Variants in PLEKHA5 observed in about 807,000 individuals in gnomAD.
PLEKHA5 encodes the protein pleckstrin homology domain containing A5.
A neutral mutation model predicts 181.9 loss-of-function variants in PLEKHA5; 55 were observed. The observed-to-expected ratio is 0.30, with a 90% CI of 0.24 to 0.38. The LOEUF (loss-of-function observed/expected upper bound fraction) is 0.38. Among genes scored for constraint, PLEKHA5 ranks in the 10% least tolerant of loss-of-function variants. The pLI is 1.00. For synonymous variants in PLEKHA5, 535 were observed against 529.4 expected (o/e 1.01, Z -0.15); for missense variants, 1,432 against 1,549.5 (o/e 0.92, Z 1.27).
At chr12:19,258,183 A>G (rs143899032) in intron 6 of PLEKHA5, among the ~76,000 whole-genome samples, 326 of 152,242 alleles carry the variant, frequency 2.1e-3, no homozygotes, top group Non-Finnish European at 3.3e-3. Flanking sequence ...TAGTTTTGCA[A>G]TTAGTAAATA....
At chr12:19,273,361 T>G (rs2073601012) in intron 10 of PLEKHA5, among the ~76,000 whole-genome samples, 2 of 152,180 alleles carry the variant, frequency 1.3e-5, no homozygotes, top group Non-Finnish European at 1.5e-5. Context: ...AGTCACCTTT[T>G]TTTTTTAATT....
At chr12:19,238,820 A>AT (rs1491560448) in intron 3 of PLEKHA5, among the ~76,000 whole-genome samples, 2 of 131,842 alleles carry the variant, frequency 1.5e-5, no homozygotes, top group African/African-American at 5.2e-5. Flanking sequence ...AAAAAAAAAA[A>AT]GGAAGAGGGC....
At chr12:19,151,117 G>C (rs997829030) in intron 3 of PLEKHA5, 7 of 152,446 alleles carry the variant, frequency 4.6e-5, no homozygotes, top group African/African-American at 1.7e-4. Flanking sequence ...GGTAGTTGAA[G>C]GACCTTGGGG....
chr12:19,235,817 C>A (rs768859594), intron 3 of PLEKHA5, among the ~76,000 whole-genome samples: 3 of 152,130 alleles, frequency 2.0e-5, no homozygotes, highest in Non-Finnish European at 4.4e-5. Context: ...CAATGGCTTT[C>A]TTGCAAAGAA....
Position 19,358,184 on chromosome 12 carries a change from G to A in PLEKHA5, c.3139-44G>A. ...ATTTTTTATTCCATCATACTTTTCA[G>A]AAGTTTTCATTTATGTATTGATATG... is the stretch of plus-strand genomic sequence containing the variant. On this transcript the variant is annotated intron_variant, in intron 26 of 31. Transcript: ENST00000429027. The A allele has an allele frequency of 2.3e-6, 3 of 1,305,680 alleles. No homozygotes were observed. In the Admixed American group the frequency reaches 5.8e-5, roughly 25 times the overall value. 80.9% of individuals were successfully genotyped at this position (1,305,680 alleles called of 1,614,324 possible).
At chr12:19,155,185 A>T (rs2041385174) in intron 3 of PLEKHA5, among the ~76,000 whole-genome samples, 2 of 152,200 alleles carry the variant, frequency 1.3e-5, no homozygotes, top group African/African-American at 2.4e-5. Flanking sequence ...GGTCATTATC[A>T]CTAGGAAGAC....
intron 3 of PLEKHA5, among the ~76,000 whole-genome samples, chr12:19,218,206 G>A (rs1203788092): frequency 6.6e-6 from 1 of 152,094 alleles, no homozygotes; most frequent in East Asian, 1.9e-4. Flanking sequence ...GAGAGGGATA[G>A]GATTGTCAAA....
At chr12:19,248,468 G>C (rs1301804600) in intron 3 of PLEKHA5, among the ~76,000 whole-genome samples, 3 of 152,078 alleles carry the variant, frequency 2.0e-5, no homozygotes, top group Non-Finnish European at 4.4e-5. Flanking sequence ...AAAGTGCTGG[G>C]ATTACAGGCT....
At chr12:19,197,468 A>T (rs929594478) in intron 3 of PLEKHA5, among the ~76,000 whole-genome samples, 1 of 151,908 alleles carries the variant, frequency 6.6e-6, no homozygotes, top group Non-Finnish European at 1.5e-5. Flanking sequence ...CTTTAATTTC[A>T]CTACGGTAAC....
rs373839746 is a variant in PLEKHA5 at position 19,254,043 on chromosome 12, G to C, written c.311+20G>C. ...TGAACAGTAAGTAAAGAGTTTCATGGAATGCCTGTATTCAAAATTGGGTTA... is the reference window on the plus strand; with the variant it reads ...TGAACAGTAAGTAAAGAGTTTCATGCAATGCCTGTATTCAAAATTGGGTTA... On this transcript the variant is annotated intron_variant, in intron 4 of 31. Coordinates refer to ENST00000429027, the MANE Select transcript of PLEKHA5 (RefSeq NM_001256470.2). 1 of 1,403,524 alleles carries C rather than the reference G, an allele frequency of 7.1e-7. No individual in the cohort carries two copies. Among genetic ancestry groups the C allele is most frequent in the African/African-American group, 1.4e-5 (1 of 69,610 alleles). The allele number at this position is 1,403,524 out of a possible 1,614,324, so 86.9% of individuals were successfully genotyped here.
At chr12:19,168,525 G>A (rs1366015039) in intron 3 of PLEKHA5, among the ~76,000 whole-genome samples, 2 of 151,846 alleles carry the variant, frequency 1.3e-5, no homozygotes, top group South Asian at 2.1e-4. Context: ...AAAAAACTCA[G>A]TAGGAGAAAT....
chr12:19,266,244 T>C (rs1592256232), intron 8 of PLEKHA5, among the ~76,000 whole-genome samples: 1 of 150,958 alleles, frequency 6.6e-6, no homozygotes, highest in East Asian at 1.9e-4. Flanking sequence ...GAGACCAAGG[T>C]GGGAGGATCA....
At position 19,189,178 on chromosome 12, in the gene PLEKHA5, A is replaced by G. The variant is rs2050512398; in HGVS notation, c.227+56728A>G. Among the ~76,000 whole-genome samples, 3 of 152,230 alleles carry G rather than the reference A, an allele frequency of 2.0e-5. No homozygotes were observed. The South Asian group carries it at 6.2e-4, about 32-fold the overall frequency. On this transcript the variant is annotated intron_variant, in intron 3 of 31. Coordinates refer to ENST00000429027, the MANE Select transcript of PLEKHA5 (RefSeq NM_001256470.2). ...CTAGGCAAGCAAGATGGGGTCCCCT[A>G]GCCATGGCTGGTGAGGGGGACCGGG...
intron 20 of PLEKHA5, among the ~76,000 whole-genome samples, chr12:19,331,071 C>G (rs1466178812): frequency 1.3e-5 from 2 of 151,968 alleles, no homozygotes; most frequent in African/African-American, 2.4e-5. Context: ...CTTAGAAACC[C>G]TAATTGAGAA....
chr12:19,133,961 T>C (rs1247627841), intron 3 of PLEKHA5, among the ~76,000 whole-genome samples: 1 of 152,056 alleles, frequency 6.6e-6, no homozygotes, highest in Non-Finnish European at 1.5e-5. Flanking sequence ...AAAAACAGTT[T>C]TTTCATTTCA....
chr12:19,358,942 T>G (rs1023244649), intron 27 of PLEKHA5, among the ~76,000 whole-genome samples: 2 of 152,214 alleles, frequency 1.3e-5, no homozygotes, highest in African/African-American at 4.8e-5. Flanking sequence ...CTTTTTGTTT[T>G]TTGCCCCTCT....
At chr12:19,247,833 GCTTGTAAATATGA>G (rs1291592453) in intron 3 of PLEKHA5, among the ~76,000 whole-genome samples, 1 of 151,518 alleles carries the variant, frequency 6.6e-6, no homozygotes, top group Non-Finnish European at 1.5e-5. Context: ...ATCAAGTTGA[GCTTGTAAATATGA>G]CCTGTTTTCT....
intron 3 of PLEKHA5, among the ~76,000 whole-genome samples, chr12:19,147,610 T>C (rs2039263396): frequency 6.6e-6 from 1 of 150,892 alleles, no homozygotes; most frequent in African/African-American, 2.4e-5. Context: ...TTTTTTTTTT[T>C]TGGCAAATGA....
intron 20 of PLEKHA5, among the ~76,000 whole-genome samples, chr12:19,334,830 ATATAT>A (rs1219707774): frequency 0.024 from 896 of 36,944 alleles, 208 homozygotes; most frequent in Admixed American, 0.2. Context: ...AAAAAAAAAA[ATATAT>A]ATATATATAT....
Sources: gnomAD v4.1 joint callset for allele counts (sites outside exome capture counted in the v4.1 genomes callset) on GRCh38, gnomAD v4.1.1 for gene constraint, MANE v1.5 for transcripts, NCBI Gene and HGNC (gene_info 2026-07-23, HGNC 2026-07-21) for gene names.